The following TPD52 variants were observed in gnomAD, a reference collection of about 807,000 sequenced individuals.
TPD52 encodes the protein prostate and colon associated protein.
Under a neutral mutation model 31.3 loss-of-function variants are expected in TPD52, and 17 were observed. That is an observed-to-expected ratio of 0.54 (90% CI 0.37 to 0.82). The LOEUF (loss-of-function observed/expected upper bound fraction) is 0.82, where lower values mean the gene tolerates loss of function less well. Ranked by LOEUF, TPD52 falls within the 40% of genes least tolerant of loss-of-function variation. The pLI is 0.00. For synonymous variants in TPD52, 83 were observed against 89.6 expected, an observed-to-expected ratio of 0.93 and a Z score of 0.42; for missense variants, 212 against 240.1, an observed-to-expected ratio of 0.88 and a Z score of 0.77.
At chr8:80,158,066 T>C (rs1234962361) in intron 1 of TPD52, among the ~76,000 whole-genome samples, 3 of 152,204 alleles carry the variant, frequency 2.0e-5, no homozygotes, top group Non-Finnish European at 2.9e-5. Flanking sequence ...TTAATATCTA[T>C]AGTCTATTTG....
intron 1 of TPD52, among the ~76,000 whole-genome samples, chr8:80,166,335 C>A (rs921073928): frequency 3.3e-5 from 5 of 151,874 alleles, no homozygotes; most frequent in African/African-American, 9.7e-5. Flanking sequence ...CAGGTTGAAG[C>A]GATTCTCCCG....
At chr8:80,171,352 C>T in intron 1 of TPD52, 73 bp downstream of exon 1, 1 of 1,574,366 alleles carries the variant, frequency 6.4e-7, no homozygotes, top group Non-Finnish European at 8.6e-7. Context: ...CGCTCAGCCC[C>T]GCGCCGAGCC....
chr8:80,062,425 T>A (rs1812649518), intron 2 of TPD52, among the ~76,000 whole-genome samples: 1 of 152,168 alleles, frequency 6.6e-6, no homozygotes, highest in Non-Finnish European at 1.5e-5. Flanking sequence ...GAGCCAACAC[T>A]ATAAAAGTCT....
intron 2 of TPD52, 30 bp from the exon 3 acceptor site, chr8:80,053,460 T>C (rs753134768): frequency 1.4e-5 from 22 of 1,601,570 alleles, no homozygotes; most frequent in Non-Finnish European, 1.5e-5. Context: ...GGTAAGAATA[T>C]AGCAAAAGTC....
rs147074313 is a variant in TPD52 at position 80,106,594 on chromosome 8, G to A, written c.20-42001C>T. ...GATGGTCTTGATCTCCTGACCTCAT[G>A]ACCCACCCGCTTCGGCCTCCCAAAG... On this transcript the variant is annotated intron_variant, in intron 1 of 7. Coordinates refer to ENST00000518937, the MANE Select transcript of TPD52 (RefSeq NM_001025253.3). Among the ~76,000 whole-genome samples the A allele has an allele frequency of 6.3e-3, 957 of 151,888 alleles. 11 individuals are homozygous for A. The highest frequency in any genetic ancestry group is 0.022 in the African/African-American group (909 of 41,410).
At chr8:80,152,122 T>G (rs1037130112) in intron 1 of TPD52, among the ~76,000 whole-genome samples, 1 of 152,114 alleles carries the variant, frequency 6.6e-6, no homozygotes, top group Non-Finnish European at 1.5e-5. Flanking sequence ...CAGACTTTTC[T>G]AAATAGCCAG....
chr8:80,072,146 A>G (rs1813879128), intron 1 of TPD52, among the ~76,000 whole-genome samples: 1 of 152,218 alleles, frequency 6.6e-6, no homozygotes, highest in African/African-American at 2.4e-5. Context: ...CGTCTCAACT[A>G]AAAACACAAA....
chr8:80,153,328 C>T (rs1810713691), intron 1 of TPD52, among the ~76,000 whole-genome samples: 1 of 152,168 alleles, frequency 6.6e-6, no homozygotes, highest in East Asian at 1.9e-4. Flanking sequence ...ATTGGCTTCC[C>T]TTGGAATAAG....
chr8:80,064,413 T>C (rs1812891002), intron 2 of TPD52, 65 bp downstream of exon 2: 8 of 1,268,484 alleles, frequency 6.3e-6, no homozygotes, highest in African/African-American at 1.5e-5. Context: ...CCATGTACTT[T>C]AGAATCACAA....
At chr8:80,065,271 A>ATG (rs1199413842) in intron 1 of TPD52, among the ~76,000 whole-genome samples, 20 of 139,454 alleles carry the variant, frequency 1.4e-4, no homozygotes, top group Non-Finnish European at 2.9e-4. Flanking sequence ...CTATCTATAT[A>ATG]TATCTATATC....
intron 1 of TPD52, among the ~76,000 whole-genome samples, chr8:80,107,421 A>G (rs1037599608): frequency 3.3e-5 from 5 of 152,232 alleles, no homozygotes. Context: ...AGGACCTCAG[A>G]GCAAGATGAG....
At chr8:80,075,041 G>A (rs937213608) in intron 1 of TPD52, among the ~76,000 whole-genome samples, 12 of 151,868 alleles carry the variant, frequency 7.9e-5, no homozygotes, top group Admixed American at 3.9e-4. Context: ...GTGCAGTGGC[G>A]CGATCTTGGC....
chr8:80,089,774 C>G (rs958810784), intron 1 of TPD52, among the ~76,000 whole-genome samples: 9 of 152,194 alleles, frequency 5.9e-5, no homozygotes, highest in Non-Finnish European at 1.2e-4. Context: ...CCTTATCTTA[C>G]AACAAAACTG....
intron 1 of TPD52, among the ~76,000 whole-genome samples, chr8:80,072,798 C>CATATATATATATATATATATATATAT (rs779389191): frequency 2.1e-5 from 3 of 141,082 alleles, no homozygotes; most frequent in African/African-American, 9.0e-5. Flanking sequence ...CACACACACA[C>CATATATATATATATATATATATATAT]ATATATATAT....
rs1390140828 is a variant in TPD52 at position 80,035,288 on chromosome 8, C to G, written c.*2828G>C. On this transcript the variant is annotated 3_prime_UTR_variant, in exon 8 of 8. Coordinates refer to ENST00000518937, the MANE Select transcript of TPD52 (RefSeq NM_001025253.3). The stretch of plus-strand genomic sequence containing the variant: ...CCCAGGAGTTGGAGGTCAGCCAACT[C>G]TAAACAAACACAAACATCATTCTGA... The G allele has an allele frequency of 6.6e-6, 1 of 152,208 alleles. No individual in the cohort carries two copies. Among genetic ancestry groups the G allele is most frequent in the African/African-American group, 2.4e-5 (1 of 41,452 alleles). The allele number at this position is 152,208 out of a possible 1,614,324, so 9.4% of individuals were successfully genotyped here.
chr8:80,041,712 CAG>C (rs1810399703), intron 7 of TPD52, among the ~76,000 whole-genome samples: 1 of 151,598 alleles, frequency 6.6e-6, no homozygotes, highest in Non-Finnish European at 1.5e-5. Context: ...AAAATAAAAA[CAG>C]TGAATCATAA....
chr8:80,131,748 C>G (rs1809031913), intron 1 of TPD52, among the ~76,000 whole-genome samples: 1 of 152,196 alleles, frequency 6.6e-6, no homozygotes, highest in African/African-American at 2.4e-5. Flanking sequence ...CCGCTCACAG[C>G]CACACACCCC....
At chr8:80,157,889 A>G (rs1811080452) in intron 1 of TPD52, among the ~76,000 whole-genome samples, 1 of 152,194 alleles carries the variant, frequency 6.6e-6, no homozygotes, top group African/African-American at 2.4e-5. Flanking sequence ...ATCACTATTA[A>G]AATACATTTT....
chr8:80,078,632 G>A (rs767344316), intron 1 of TPD52, among the ~76,000 whole-genome samples: 8 of 151,998 alleles, frequency 5.3e-5, no homozygotes, highest in Admixed American at 5.2e-4. Flanking sequence ...GACTGCTGAG[G>A]GTGGTTTCTG....
Sources: gnomAD v4.1 joint callset for allele counts (sites outside exome capture counted in the v4.1 genomes callset) on GRCh38, gnomAD v4.1.1 for gene constraint, MANE v1.5 for transcripts, NCBI Gene and HGNC (gene_info 2026-07-23, HGNC 2026-07-21) for gene names.